The following MPPED2 variants were observed in gnomAD, a reference collection of about 807,000 sequenced individuals.
MPPED2 encodes metallophosphoesterase MPPED2.
A neutral mutation model predicts 33.0 loss-of-function variants in MPPED2; 5 were observed. The ratio of observed to expected loss-of-function variants is 0.15; its 90% CI spans 0.08 to 0.32. MPPED2 has a LOEUF of 0.32. Among genes scored for constraint, MPPED2 ranks in the 10% least tolerant of loss-of-function variants. The pLI, the probability that MPPED2 is intolerant of heterozygous loss-of-function variation, is 1.00. For synonymous variants in MPPED2, 136 were observed against 141.9 expected, an observed-to-expected ratio of 0.96 and a Z score of 0.29; for missense variants, 275 against 372.1, an observed-to-expected ratio of 0.74 and a Z score of 2.15.
chr11:30,434,305 G>A (rs556054856), intron 4 of MPPED2, among the ~76,000 whole-genome samples: 2 of 152,226 alleles, frequency 1.3e-5, no homozygotes, highest in South Asian at 4.2e-4. Flanking sequence ...AATTCGCAGG[G>A]GAAGGGGGAA....
At chr11:30,556,966 A>T (rs990806343) in intron 2 of MPPED2, among the ~76,000 whole-genome samples, 1 of 151,996 alleles carries the variant, frequency 6.6e-6, no homozygotes, top group African/African-American at 2.4e-5. Flanking sequence ...GATGAGGAAA[A>T]GATCATCAGA....
downstream of MPPED2, chr11:30,410,181 G>A (rs368052736): frequency 1.3e-4 from 130 of 985,540 alleles, no homozygotes; most frequent in Admixed American, 5.5e-4. Context: ...TCCCCAGGAC[G>A]AAACTACCAT....
At chr11:30,463,148 G>A (rs1213516813) in intron 4 of MPPED2, among the ~76,000 whole-genome samples, 2 of 152,128 alleles carry the variant, frequency 1.3e-5, no homozygotes, top group Non-Finnish European at 2.9e-5. Flanking sequence ...ATCTCACTAC[G>A]AAGGTTTTCT....
At chr11:30,563,786 G>T (rs1054196021) in intron 2 of MPPED2, among the ~76,000 whole-genome samples, 11 of 152,210 alleles carry the variant, frequency 7.2e-5, no homozygotes, top group South Asian at 4.1e-4. Flanking sequence ...GGACAAGGCA[G>T]AGGATTCAAG....
chr11:30,542,459 CAAAAA>C (rs59474313), intron 2 of MPPED2, among the ~76,000 whole-genome samples: 19 of 77,800 alleles, frequency 2.4e-4, no homozygotes, highest in African/African-American at 8.7e-4. Flanking sequence ...ACCAAAAGTA[CAAAAA>C]AAAAAAAAAA....
At chr11:30,464,968 C>A (rs1950648680) in intron 4 of MPPED2, among the ~76,000 whole-genome samples, 1 of 152,140 alleles carries the variant, frequency 6.6e-6, no homozygotes, top group Non-Finnish European at 1.5e-5. Context: ...CTACTACTCA[C>A]TAGCTATATA....
chr11:30,569,048 A>G (rs927143396), intron 2 of MPPED2, among the ~76,000 whole-genome samples: 2 of 152,174 alleles, frequency 1.3e-5, no homozygotes, highest in Non-Finnish European at 2.9e-5. Context: ...AACAAATGAC[A>G]AACAATCTGA....
intron 4 of MPPED2, among the ~76,000 whole-genome samples, chr11:30,488,303 T>G (rs1951829469): frequency 6.6e-6 from 1 of 152,172 alleles, no homozygotes; most frequent in South Asian, 2.1e-4. Context: ...CAAATGTAAA[T>G]TTATTATTGT....
intron 4 of MPPED2, among the ~76,000 whole-genome samples, chr11:30,445,801 G>A (rs1949778436): frequency 6.6e-6 from 1 of 152,198 alleles, no homozygotes; most frequent in African/African-American, 2.4e-5. Context: ...CTGTTTTAAG[G>A]CTGATTAATA....
intron 3 of MPPED2, among the ~76,000 whole-genome samples, chr11:30,501,810 C>T (rs1952577427): frequency 6.6e-6 from 1 of 152,212 alleles, no homozygotes; most frequent in South Asian, 2.1e-4. Flanking sequence ...CAACTTATGT[C>T]AAAGTCAGCA....
Position 30,411,076 on chromosome 11 carries a change from T to C in MPPED2, c.*392A>G. 1.0e-6 allele frequency: 1 copy of C among 987,676 alleles called. No homozygotes were observed. Among genetic ancestry groups the C allele is most frequent in the Non-Finnish European group, 1.2e-6 (1 of 831,156 alleles). The allele number at this position is 987,676 out of a possible 1,614,324, so 61.2% of individuals were successfully genotyped here. ...AATTAAAATATTTCAAACAATACTC[T>C]TAAACAGTTGTGCAAATCTGTGTTG... On this transcript the variant is annotated 3_prime_UTR_variant, in exon 7 of 7. Transcript: ENST00000358117.
At chr11:30,470,782 T>C (rs1160642279) in intron 4 of MPPED2, among the ~76,000 whole-genome samples, 1 of 152,192 alleles carries the variant, frequency 6.6e-6, no homozygotes. Context: ...ACATTCTTTA[T>C]CCTAACCCTT....
At chr11:30,586,939 C>A (rs1206770191), upstream of MPPED2, 1 of 152,306 alleles carries the variant, frequency 6.6e-6, no homozygotes, top group Non-Finnish European at 1.5e-5. This position sits in a 1 kb window ranked among gnomAD's most constrained non-coding sequence, Gnocchi z 4.8. Context: ...GACACACACA[C>A]ACACACACAC....
intron 2 of MPPED2, among the ~76,000 whole-genome samples, chr11:30,578,797 A>C (rs948122860): frequency 3.9e-5 from 6 of 152,226 alleles, no homozygotes; most frequent in Admixed American, 2.6e-4. Context: ...AAACAAGTAA[A>C]TAGAAACAGT....
intron 3 of MPPED2, among the ~76,000 whole-genome samples, chr11:30,509,700 G>GA (rs1178868050): frequency 1.3e-5 from 2 of 152,150 alleles, no homozygotes; most frequent in African/African-American, 2.4e-5. Flanking sequence ...GCTTCCAACA[G>GA]AAAATCAAGG....
chr11:30,563,854 C>T (rs1956332571), intron 2 of MPPED2, among the ~76,000 whole-genome samples: 1 of 152,200 alleles, frequency 6.6e-6, no homozygotes, highest in African/African-American at 2.4e-5. Context: ...GGCAATATTG[C>T]TATGTGTGGG....
At chr11:30,450,097 G>T (rs1347758449) in intron 4 of MPPED2, among the ~76,000 whole-genome samples, 2 of 152,188 alleles carry the variant, frequency 1.3e-5, no homozygotes, top group African/African-American at 4.8e-5. Context: ...AGTGTCTTTT[G>T]AATTCACAGG....
intron 4 of MPPED2, among the ~76,000 whole-genome samples, chr11:30,455,586 C>T (rs912690129): frequency 2.0e-5 from 3 of 152,054 alleles, no homozygotes; most frequent in Admixed American, 6.5e-5. Flanking sequence ...GTTACTCCAG[C>T]GCCCTTTGTT....
At chr11:30,417,470 G>C in intron 5 of MPPED2, 48 bp downstream of exon 5, 1 of 1,051,738 alleles carries the variant, frequency 9.5e-7, no homozygotes, top group Non-Finnish European at 1.5e-6. Context: ...CATTATGCCT[G>C]GAAAAAAAGG....
Sources: gnomAD v4.1 joint callset for allele counts (sites outside exome capture counted in the v4.1 genomes callset) on GRCh38, gnomAD v4.1.1 for gene constraint, Gnocchi (gnomAD v3.1) non-coding constraint, MANE v1.5 for transcripts, NCBI Gene and HGNC (gene_info 2026-07-23, HGNC 2026-07-21) for gene names.